FBXO28: variants seen among roughly 807,000 people sequenced by gnomAD.
FBXO28 encodes F-box only protein 28.
In FBXO28, 8 loss-of-function variants were observed where a neutral mutation model predicts 38.1. That is an observed-to-expected ratio of 0.21 (90% CI 0.12 to 0.38). The LOEUF is 0.38. Among genes scored for constraint, FBXO28 ranks in the 10% least tolerant of loss-of-function variants. FBXO28 has a pLI of 1.00. For synonymous variants in FBXO28, 168 were observed against 173.8 expected, an observed-to-expected ratio of 0.97 and a Z score of 0.26; for missense variants, 345 against 460.6, an observed-to-expected ratio of 0.75 and a Z score of 2.30.
chr1:224,147,283 C>T (rs375990214), intron 3 of FBXO28, among the ~76,000 whole-genome samples: 53 of 151,498 alleles, frequency 3.5e-4, no homozygotes, highest in African/African-American at 1.2e-3. Flanking sequence ...ATTAGCTGGG[C>T]GTGGTGGCAA....
At chr1:224,145,293 CAAAAAAAAA>C (rs3035404) in intron 3 of FBXO28, among the ~76,000 whole-genome samples, 1 of 73,566 alleles carries the variant, frequency 1.4e-5, no homozygotes, top group African/African-American at 5.8e-5. Context: ...GACTACATCT[CAAAAAAAAA>C]AAAAAAAAAA....
At position 224,158,379 on chromosome 1, in the gene FBXO28, T is replaced by C. The variant is rs1022301183; in HGVS notation, c.*633T>C. Reference sequence around the variant, plus strand: ...CAGCTGTTATACATGTTTTCAGTTCTCTTTGGGGGCCATGTCCTACATTTG... The same window carrying C: ...CAGCTGTTATACATGTTTTCAGTTCCCTTTGGGGGCCATGTCCTACATTTG... On this transcript the variant is annotated 3_prime_UTR_variant, in exon 5 of 5. Coordinates refer to ENST00000366862, the MANE Select transcript of FBXO28 (RefSeq NM_015176.4). 8.9e-5 allele frequency: 23 copies of C among 257,884 alleles called. No homozygotes were observed. The highest frequency in any genetic ancestry group is 5.8e-4 in the South Asian group (4 of 6,896). The allele number at this position is 257,884 out of a possible 1,614,324, so 16.0% of individuals were successfully genotyped here.
intron 3 of FBXO28, among the ~76,000 whole-genome samples, chr1:224,146,246 T>C (rs1456714881): frequency 6.6e-6 from 1 of 150,738 alleles, no homozygotes; most frequent in African/African-American, 2.4e-5. Context: ...AAAAAAAAAA[T>C]TAAAAATAAT....
intron 1 of FBXO28, among the ~76,000 whole-genome samples, chr1:224,120,782 G>A (rs190501099): frequency 1.2e-3 from 180 of 151,724 alleles, no homozygotes; most frequent in Admixed American, 7.5e-3. Flanking sequence ...AGAATCACTC[G>A]GACCCGGGAG....
intron 3 of FBXO28, among the ~76,000 whole-genome samples, chr1:224,139,107 A>G (rs571142231): frequency 6.6e-6 from 1 of 151,880 alleles, no homozygotes; most frequent in South Asian, 2.1e-4. Context: ...AACTGTCACT[A>G]GTAGCCCTGG....
At chr1:224,123,939 T>C (rs886129816) in intron 1 of FBXO28, among the ~76,000 whole-genome samples, 1 of 148,568 alleles carries the variant, frequency 6.7e-6, no homozygotes, top group Non-Finnish European at 1.5e-5. Context: ...TGAAACCCTG[T>C]CTCTACTAAA....
At chr1:224,125,517 C>T (rs760440549) in intron 1 of FBXO28, among the ~76,000 whole-genome samples, 10 of 152,018 alleles carry the variant, frequency 6.6e-5, no homozygotes, top group Admixed American at 1.3e-4. Flanking sequence ...GGTATGATAG[C>T]GCTTGCAGAA....
At chr1:224,148,543 T>C (rs1003706672) in intron 3 of FBXO28, among the ~76,000 whole-genome samples, 2 of 151,866 alleles carry the variant, frequency 1.3e-5, no homozygotes, top group East Asian at 1.9e-4. Context: ...GTGCCTGTAG[T>C]CCCAGCTACT....
chr1:224,123,694 C>G (rs1400429919), intron 1 of FBXO28, among the ~76,000 whole-genome samples: 1 of 152,090 alleles, frequency 6.6e-6, no homozygotes, highest in East Asian at 1.9e-4. Flanking sequence ...GAAAAAAATG[C>G]CGCCAATTAT....
chr1:224,126,371 G>T (rs2102613874), intron 1 of FBXO28, among the ~76,000 whole-genome samples: 1 of 152,282 alleles, frequency 6.6e-6, no homozygotes, highest in Middle Eastern at 3.4e-3. Flanking sequence ...TTTTGTCTTT[G>T]TAAATATATT....
intron 4 of FBXO28, among the ~76,000 whole-genome samples, chr1:224,155,372 G>T (rs1186851941): frequency 2.0e-5 from 3 of 151,966 alleles, no homozygotes; most frequent in Non-Finnish European, 4.4e-5. Context: ...TCACCATGTT[G>T]TTCAGGCTGG....
At chr1:224,132,014 G>C (rs1241081273) in intron 2 of FBXO28, among the ~76,000 whole-genome samples, 3 of 152,048 alleles carry the variant, frequency 2.0e-5, no homozygotes, top group African/African-American at 7.2e-5. Flanking sequence ...GCATGTTGGG[G>C]GACTGAGGTG....
intron 1 of FBXO28, 52 bp downstream of exon 1, chr1:224,114,448 G>GAGA: frequency 3.4e-6 from 4 of 1,166,240 alleles, no homozygotes; most frequent in Non-Finnish European, 4.5e-6. Flanking sequence ...CGAGGTCTGG[G>GAGA]AGATGAGAAG....
At chr1:224,154,151 C>T (rs1317763668) in intron 4 of FBXO28, among the ~76,000 whole-genome samples, 1 of 152,208 alleles carries the variant, frequency 6.6e-6, no homozygotes, top group Non-Finnish European at 1.5e-5. Context: ...ACCTACCGAA[C>T]ATCATAGCTT....
chr1:224,149,465 G>A (rs541078017), intron 3 of FBXO28, among the ~76,000 whole-genome samples: 7 of 152,186 alleles, frequency 4.6e-5, no homozygotes, highest in African/African-American at 7.2e-5. Context: ...TGCTGGCACC[G>A]TAGGTATGAG....
chr1:224,146,066 C>CAA (rs577982501), intron 3 of FBXO28, among the ~76,000 whole-genome samples: 87 of 106,422 alleles, frequency 8.2e-4, no homozygotes, highest in African/African-American at 2.9e-3. Context: ...AACTCCTTCT[C>CAA]AAAAAAAAAA....
chr1:224,130,895 G>A (rs1303548803), intron 2 of FBXO28: 1 of 204,420 alleles, frequency 4.9e-6, no homozygotes, highest in Non-Finnish European at 9.9e-6. Context: ...GATTATTAAA[G>A]CTAGTAAACC....
chr1:224,157,855 C>T lies in FBXO28; in HGVS notation c.*109C>T. On this transcript the variant is annotated 3_prime_UTR_variant, in exon 5 of 5. Transcript: ENST00000366862. ...GGTGTCCCTTAAGCTTCTAGGCTTT[C>T]AGAACACAACTTAAACTTGAACTCT... The T allele has an allele frequency of 6.9e-7, 1 of 1,453,818 alleles. No individual in the cohort carries two copies. The highest frequency in any genetic ancestry group is 9.0e-7 in the Non-Finnish European group (1 of 1,107,292). The allele number at this position is 1,453,818 out of a possible 1,614,324, so 90.1% of individuals were successfully genotyped here.
At chr1:224,145,866 G>C (rs1028687295) in intron 3 of FBXO28, among the ~76,000 whole-genome samples, 3 of 152,146 alleles carry the variant, frequency 2.0e-5, no homozygotes, top group African/African-American at 7.2e-5. Context: ...TCGGGAGTTT[G>C]AGACCAGCCT....
Sources: allele counts gnomAD v4.1 joint callset (sites outside exome capture counted in the v4.1 genomes callset), GRCh38; gene constraint gnomAD v4.1.1; transcripts MANE v1.5; gene names NCBI Gene and HGNC (gene_info 2026-07-23, HGNC 2026-07-21).